The following SIPA1L1 variants were observed in gnomAD, a reference collection of about 807,000 sequenced individuals.
SIPA1L1 encodes signal-induced proliferation-associated 1-like protein 1.
A neutral mutation model predicts 162.7 loss-of-function variants in SIPA1L1; 26 were observed. The observed-to-expected ratio is 0.16, with a 90% CI of 0.12 to 0.22. SIPA1L1 has a LOEUF of 0.22. SIPA1L1 is among the 10% of genes least tolerant of loss of function. The pLI, the probability that SIPA1L1 is intolerant of heterozygous loss-of-function variation, is 1.00. For synonymous variants in SIPA1L1, 829 were observed against 837.4 expected, an observed-to-expected ratio of 0.99 and a Z score of 0.17; for missense variants, 1,874 against 2,241.0, an observed-to-expected ratio of 0.84 and a Z score of 3.31.
At chr14:71,354,135 A>G (rs1332271148) in intron 2 of SIPA1L1, among the ~76,000 whole-genome samples, 2 of 152,110 alleles carry the variant, frequency 1.3e-5, no homozygotes, top group African/African-American at 4.8e-5. Flanking sequence ...GGTATTATGC[A>G]TGTATCCTTT....
At chr14:71,499,453 T>C (rs953530428) in intron 2 of SIPA1L1, among the ~76,000 whole-genome samples, 1 of 152,214 alleles carries the variant, frequency 6.6e-6, no homozygotes, top group Non-Finnish European at 1.5e-5. Context: ...TTTTCTCAAG[T>C]TTTTAAAGTA....
At chr14:71,330,602 G>C (rs1313892259) in intron 2 of SIPA1L1, 2 of 1,010,942 alleles carry the variant, frequency 2.0e-6, no homozygotes, top group South Asian at 1.3e-5. Context: ...GCTTCAGGAG[G>C]CTTCTTCAGT....
chr14:71,465,326 A>G (rs1385658019), intron 2 of SIPA1L1, among the ~76,000 whole-genome samples: 3 of 152,206 alleles, frequency 2.0e-5, no homozygotes, highest in Non-Finnish European at 2.9e-5. Context: ...ACTCAGGGCA[A>G]TCTTAGCAGA....
At chr14:71,485,423 T>C (rs2048674174) in intron 2 of SIPA1L1, among the ~76,000 whole-genome samples, 1 of 152,182 alleles carries the variant, frequency 6.6e-6, no homozygotes, top group Non-Finnish European at 1.5e-5. Context: ...CCACCTGAGC[T>C]CCGCCTCTTG....
intron 2 of SIPA1L1, among the ~76,000 whole-genome samples, chr14:71,438,513 C>T (rs937599798): frequency 1.3e-5 from 2 of 152,166 alleles, no homozygotes; most frequent in African/African-American, 4.8e-5. Flanking sequence ...CTCAAAATAT[C>T]GCTCCCAATA....
chr14:71,509,157 T>G (rs1334460565), intron 2 of SIPA1L1, among the ~76,000 whole-genome samples: 1 of 152,228 alleles, frequency 6.6e-6, no homozygotes, highest in East Asian at 1.9e-4. Context: ...TCGTGCTGTT[T>G]CCATATGCTT....
At chr14:71,395,806 G>A (rs2041144613) in intron 2 of SIPA1L1, among the ~76,000 whole-genome samples, 1 of 152,208 alleles carries the variant, frequency 6.6e-6, no homozygotes. Flanking sequence ...TATTTATTAA[G>A]TATGAAAACT....
intron 7 of SIPA1L1, among the ~76,000 whole-genome samples, chr14:71,639,017 A>G (rs1283981199): frequency 6.6e-6 from 1 of 152,236 alleles, no homozygotes; most frequent in Admixed American, 6.5e-5. Flanking sequence ...ACACAGTGAG[A>G]TGTCATCTAA....
rs58429457 is a variant in SIPA1L1, at chr14:71,633,110, T to TTGTTATGTTATGTTATGTTA, written c.1818+8904_1818+8923dup. On this transcript the variant is annotated intron_variant, in intron 7 of 23. Transcript: ENST00000381232. Reference sequence around the variant, plus strand: ...TTTCAATGAGCAATTACAAGCATGATTGTTATGTTATGTTATGTTATGTTA... The same window carrying TTGTTATGTTATGTTATGTTA: ...TTTCAATGAGCAATTACAAGCATGATTGTTATGTTATGTTATGTTATGTTATGTTATGTTATGTTATGTTA... Among the ~76,000 whole-genome samples, 558 of 137,402 alleles carry TTGTTATGTTATGTTATGTTA rather than the reference T, an allele frequency of 4.1e-3. 2 individuals are homozygous for TTGTTATGTTATGTTATGTTA. Among genetic ancestry groups the TTGTTATGTTATGTTATGTTA allele is most frequent in the East Asian group, 5.2e-3 (24 of 4,638 alleles). 90.1% of individuals were successfully genotyped at this position (137,402 alleles called of 152,430 possible). A position where few individuals can be genotyped will look rare whatever the true frequency, so the allele number is the denominator to read the frequency against.
At chr14:71,699,449 A>G (rs907233185) in intron 14 of SIPA1L1, among the ~76,000 whole-genome samples, 3 of 152,180 alleles carry the variant, frequency 2.0e-5, no homozygotes, top group Non-Finnish European at 4.4e-5. Flanking sequence ...AGTAGAAAAA[A>G]CACCTGTACA....
intron 7 of SIPA1L1, among the ~76,000 whole-genome samples, chr14:71,629,434 G>C (rs1449705431): frequency 6.6e-6 from 1 of 152,160 alleles, no homozygotes; most frequent in Non-Finnish European, 1.5e-5. Context: ...TCAGACTCTA[G>C]AGCCTGCATT....
intron 4 of SIPA1L1, chr14:71,573,391 G>A (rs766676691): frequency 1.1e-5 from 4 of 357,746 alleles, no homozygotes; most frequent in African/African-American, 6.4e-5. Context: ...CAAATAAGAT[G>A]CAGTTCCTGG....
At chr14:71,703,702 C>T (rs564502274) in intron 15 of SIPA1L1, among the ~76,000 whole-genome samples, 4 of 152,308 alleles carry the variant, frequency 2.6e-5, no homozygotes, top group Non-Finnish European at 4.4e-5. Context: ...ATGACTTTAG[C>T]GGCTTTTTTT....
chr14:71,645,407 C>A (rs2042071297), intron 7 of SIPA1L1, among the ~76,000 whole-genome samples: 1 of 152,158 alleles, frequency 6.6e-6, no homozygotes, highest in Non-Finnish European at 1.5e-5. Context: ...ATTACTCTGC[C>A]TGCCAGTCTT....
intron 2 of SIPA1L1, among the ~76,000 whole-genome samples, chr14:71,369,958 CTGTT>C (rs1419194734): frequency 4.0e-5 from 5 of 123,660 alleles, no homozygotes; most frequent in Admixed American, 9.1e-5. Flanking sequence ...ATTTGGCTCT[CTGTT>C]TGTCTGTTGT....
chr14:71,405,523 T>A (rs1356289093), intron 2 of SIPA1L1, among the ~76,000 whole-genome samples: 15 of 152,238 alleles, frequency 9.9e-5, no homozygotes, highest in Non-Finnish European at 4.4e-5. Context: ...CAAGGATGAT[T>A]TGTATAGTGA....
At chr14:71,628,154 A>G (rs2040219763) in intron 7 of SIPA1L1, among the ~76,000 whole-genome samples, 1 of 152,228 alleles carries the variant, frequency 6.6e-6, no homozygotes, top group Non-Finnish European at 1.5e-5. Context: ...CTACACTGTG[A>G]AGTATTAGGA....
At position 71,723,845 on chromosome 14, in the gene SIPA1L1, C is replaced by T. The variant is rs772073482; in HGVS notation, c.4407C>T (p.Pro1469=). 2.0e-5 allele frequency: 33 copies of T among 1,613,974 alleles called. No individual in the cohort carries two copies. The highest frequency in any genetic ancestry group is 2.7e-5 in the African/African-American group (2 of 74,880). Residue 1469 remains proline (P), a synonymous_variant, in exon 18 of 24, where the codon CCC becomes CCT. Coordinates refer to ENST00000381232, the MANE Select transcript of SIPA1L1 (RefSeq NM_001386936.1). ...AGTACCTGATTGGATGGAAAAAACC[C>T]GAAGGAACCATAAACTCCGTGGGAT... is the stretch of plus-strand genomic sequence containing the variant. The part of the protein sequence containing the change: ...TSKYLIGWKK[P]EGTINSVGFM...
intron 2 of SIPA1L1, among the ~76,000 whole-genome samples, chr14:71,502,255 A>AATATATATATAT (rs60241101): frequency 1.2e-3 from 117 of 97,536 alleles, no homozygotes; most frequent in African/African-American, 4.9e-3. Flanking sequence ...AAAAAAAAAA[A>AATATATATATAT]ATATATATAT....
Sources: gnomAD v4.1 joint callset for allele counts (sites outside exome capture counted in the v4.1 genomes callset) on GRCh38, gnomAD v4.1.1 for gene constraint, MANE v1.5 for transcripts, NCBI Gene and HGNC (gene_info 2026-07-23, HGNC 2026-07-21) for gene names.